Variants in INF2 observed in about 807,000 individuals in gnomAD.
INF2 encodes the protein inverted formin-2.
Under a neutral mutation model 123.5 loss-of-function variants are expected in INF2, and 43 were observed. The observed-to-expected ratio is 0.35, with a 90% CI of 0.27 to 0.45. The LOEUF (loss-of-function observed/expected upper bound fraction) is 0.45. Ranked by LOEUF, INF2 falls within the 20% of genes least tolerant of loss-of-function variation. The pLI, the probability that INF2 is intolerant of heterozygous loss-of-function variation, is 1.00. For missense variants in INF2, 1,453 were observed against 1,682.7 expected (o/e 0.86, Z 2.39); for synonymous variants, 851 against 745.0 (o/e 1.14, Z -2.32).
intron 1 of INF2, among the ~76,000 whole-genome samples, chr14:104,683,070 G>A (rs1054766025): frequency 6.5e-5 from 7 of 107,090 alleles, no homozygotes; most frequent in Admixed American, 3.3e-4. Context: ...TGGGATTACA[G>A]GCGTGAGCCA....
chr14:104,697,729 C>T lies in INF2; in HGVS notation c.-9-3628C>T, dbSNP rs370686954. On this transcript the variant is annotated intron_variant, in intron 1 of 22. Transcript: ENST00000392634. ...TAGAGTCAGGGGAGAGGCATGGCCC[C>T]GTCCTCTGGAAGCCCCAGGCTATTG... 2.6e-4 allele frequency among the ~76,000 whole-genome samples: 40 copies of T among 152,358 alleles called. No individual in the cohort carries two copies. In the East Asian group the frequency reaches 7.1e-3, roughly 27 times the overall value.
Position 104,721,619 on chromosome 14 carries a change from C to T in INF2, c.*2826C>T. 1 of 153,556 alleles carries T rather than the reference C, an allele frequency of 6.5e-6. No individual in the cohort carries two copies. The highest frequency in any genetic ancestry group is 1.5e-5 in the Non-Finnish European group (1 of 68,858). The allele number at this position is 153,556 out of a possible 1,614,324, so 9.5% of individuals were successfully genotyped here. On this transcript the variant is annotated 3_prime_UTR_variant, in exon 23 of 23. Transcript: ENST00000392634. ...GTTTTTCAGTTAAATAGCTCCACTC[C>T]TCCCCCTCCCCACCCTCCACAGAAC...
In INF2 at chr14:104,703,386, T is replaced by C; in HGVS notation, c.599T>C (p.Val200Ala). The C allele has an allele frequency of 6.2e-7, 1 of 1,612,988 alleles. No individual in the cohort carries two copies. Among genetic ancestry groups the C allele is most frequent in the Admixed American group, 1.7e-5 (1 of 60,034 alleles). ...NVPYVVTLLS[V>A]INAVILGPED... is the part of the protein sequence containing the mutation. Reference sequence around the variant, plus strand: ...CCCTACGTGGTCACCCTGCTTAGCGTGATCAACGCCGTCATCTTGGGCCCC... The same window carrying C: ...CCCTACGTGGTCACCCTGCTTAGCGCGATCAACGCCGTCATCTTGGGCCCC... The change falls in exon 4 of 23, where the codon GTG becomes GCG. Residue 200 changes from valine (V) to alanine (A), a missense_variant. Coordinates refer to ENST00000392634, the MANE Select transcript of INF2 (RefSeq NM_022489.4).
chr14:104,715,033 C>T (rs1008191798), intron 21 of INF2, among the ~76,000 whole-genome samples, 177 bp downstream of exon 21: 36 of 152,208 alleles, frequency 2.4e-4, no homozygotes, highest in African/African-American at 8.0e-4. Flanking sequence ...TGTGGGCTGC[C>T]GCGGCCCGTG....
At chr14:104,688,398 A>G (rs1303698590), upstream of INF2, among the ~76,000 whole-genome samples, 1 of 152,192 alleles carries the variant, frequency 6.6e-6, no homozygotes, top group Non-Finnish European at 1.5e-5. Flanking sequence ...CTGGCCTCAA[A>G]GCAGAAGCTG....
chr14:104,718,025 C>A (rs1890394423), intron 22 of INF2, among the ~76,000 whole-genome samples: 1 of 152,260 alleles, frequency 6.6e-6, no homozygotes, highest in Admixed American at 6.5e-5. Flanking sequence ...CCCAGACTTG[C>A]TGATCCCCCC....
At position 104,701,970 on chromosome 14, in the gene INF2, C is replaced by T. The variant is rs539113176; in HGVS notation, c.391+214C>T. On this transcript the variant is annotated intron_variant, in intron 2 of 22. Coordinates refer to ENST00000392634, the MANE Select transcript of INF2 (RefSeq NM_022489.4). The stretch of plus-strand genomic sequence containing the variant: ...GAGGCTTCCAGGTCACCCCAGTCCC[C>T]GCACTGCTGCACCAGCGGTCCCCCT... Among the ~76,000 whole-genome samples the T allele has an allele frequency of 9.8e-5, 15 of 152,300 alleles. No individual in the cohort carries two copies. The South Asian group carries it at 3.1e-3, about 32-fold the overall frequency.
intron 1 of INF2, chr14:104,690,362 T>G (rs1366378703): frequency 6.6e-6 from 1 of 151,974 alleles, no homozygotes; most frequent in Non-Finnish European, 1.5e-5. Context: ...GCCCCAGGAG[T>G]GACCATGACT....
At position 104,720,320 on chromosome 14, in the gene INF2, C is replaced by T. The variant is rs1890500579; in HGVS notation, c.*1527C>T. The T allele has an allele frequency of 1.1e-5, 2 of 174,484 alleles. No homozygotes were observed. Among genetic ancestry groups the T allele is most frequent in the South Asian group, 1.1e-4 (1 of 9,196 alleles). The allele number at this position is 174,484 out of a possible 1,614,324, so 10.8% of individuals were successfully genotyped here. A position where few individuals can be genotyped will look rare whatever the true frequency, so the allele number is the denominator to read the frequency against. ...TTTGGGGCTTCTGTGAATCCTGCTG[C>T]TGTGGACATTTGCGTAGTCCTCGTG... On this transcript the variant is annotated 3_prime_UTR_variant, in exon 23 of 23. Coordinates refer to ENST00000392634, the MANE Select transcript of INF2 (RefSeq NM_022489.4).
At position 104,715,976 on chromosome 14, in the gene INF2, C is replaced by T. The variant is rs776270188; in HGVS notation, c.*1+636C>T. On this transcript the variant is annotated intron_variant, in intron 22 of 22. Coordinates refer to ENST00000392634, the MANE Select transcript of INF2 (RefSeq NM_022489.4). ...GAGAAGCAGATTACCCCCCGCACACCGAGTCTTCTGGGGGGCGACCAGCCA... is the reference window on the plus strand; with the variant it reads ...GAGAAGCAGATTACCCCCCGCACACTGAGTCTTCTGGGGGGCGACCAGCCA... 181 of 455,936 alleles carry T rather than the reference C, an allele frequency of 4.0e-4. 3 individuals are homozygous for T. The highest frequency in any genetic ancestry group is 2.7e-3 in the South Asian group (174 of 64,546). 28.2% of individuals were successfully genotyped at this position (455,936 alleles called of 1,614,324 possible).
chr14:104,714,183 T>A lies in INF2; in HGVS notation c.3041-20T>A. ...CGGGGGCAGGGTGCCTGCCCTTCAC[T>A]GGTGTGTCCCTCCATCCAGTGGCCA... is the stretch of plus-strand genomic sequence containing the variant. On this transcript the variant is annotated intron_variant, in intron 20 of 22. Transcript: ENST00000392634. The A allele has an allele frequency of 6.7e-7, 1 of 1,484,722 alleles. No homozygotes were observed. The highest frequency in any genetic ancestry group is 8.9e-7 in the Non-Finnish European group (1 of 1,118,688). 92.0% of individuals were successfully genotyped at this position (1,484,722 alleles called of 1,614,324 possible). A position where few individuals can be genotyped will look rare whatever the true frequency, so the allele number is the denominator to read the frequency against.
At chr14:104,710,552 TGCACACAGG>T (rs1890003067) in intron 13 of INF2, among the ~76,000 whole-genome samples, 1 of 151,208 alleles carries the variant, frequency 6.6e-6, no homozygotes, top group African/African-American at 2.4e-5. Context: ...GTCACACACA[TGCACACAGG>T]ACACACAGAC....
At chr14:104,715,754 C>T (rs537194163) in intron 22 of INF2, 9 of 499,344 alleles carry the variant, frequency 1.8e-5, no homozygotes, top group South Asian at 1.4e-4. Context: ...CTGTGGCTTT[C>T]CTGCTCTGTC....
At position 104,718,924 on chromosome 14, in the gene INF2, C is replaced by T; in HGVS notation, c.*131C>T. The T allele has an allele frequency of 6.7e-7, 1 of 1,491,194 alleles. No individual in the cohort carries two copies. The highest frequency in any genetic ancestry group is 8.9e-7 in the Non-Finnish European group (1 of 1,127,416). 92.4% of individuals were successfully genotyped at this position (1,491,194 alleles called of 1,614,324 possible). On this transcript the variant is annotated 3_prime_UTR_variant, in exon 23 of 23. Transcript: ENST00000392634. The stretch of plus-strand genomic sequence containing the variant: ...CGGAAACCAAAACTCCGTGCCTTAC[C>T]CAGCCGGGGCCCTCCTGGAGCCTTC...
At chr14:104,686,995 T>C (rs1463068557), upstream of INF2, among the ~76,000 whole-genome samples, 1 of 152,218 alleles carries the variant, frequency 6.6e-6, no homozygotes, top group Non-Finnish European at 1.5e-5. Context: ...TGGCTCCGCC[T>C]GGGTGTGTCA....
upstream of INF2, chr14:104,689,602 C>A: frequency 1.2e-6 from 1 of 803,400 alleles, no homozygotes; most frequent in Non-Finnish European, 1.5e-6. Context: ...CCGCCCGCCC[C>A]GCCCGCCCCG....
upstream of INF2, among the ~76,000 whole-genome samples, chr14:104,685,572 G>A (rs1160077682): frequency 3.4e-5 from 5 of 146,962 alleles, no homozygotes; most frequent in Non-Finnish European, 6.0e-5. Flanking sequence ...GGGTGAGTGG[G>A]TGGATGGGTG....
chr14:104,710,501 C>T (rs763627071), intron 13 of INF2, among the ~76,000 whole-genome samples: 7 of 152,086 alleles, frequency 4.6e-5, no homozygotes, highest in East Asian at 1.9e-4. Flanking sequence ...GCATGCACAC[C>T]GCCACTCGGG....
upstream of INF2, among the ~76,000 whole-genome samples, chr14:104,688,522 G>C (rs916156331): frequency 6.6e-6 from 1 of 152,260 alleles, no homozygotes; most frequent in Admixed American, 6.5e-5. Context: ...TCAGGACTCC[G>C]AGTGGAGACA....
Sources: allele counts gnomAD v4.1 joint callset (sites outside exome capture counted in the v4.1 genomes callset), GRCh38; gene constraint gnomAD v4.1.1; transcripts MANE v1.5; gene names NCBI Gene and HGNC (gene_info 2026-07-23, HGNC 2026-07-21).